CARMIL1: variants seen among roughly 807,000 people sequenced by gnomAD.
CARMIL1 encodes capping protein regulator and myosin 1 linker 1.
In CARMIL1, 90 loss-of-function variants were observed where a neutral mutation model predicts 177.1. The ratio of observed to expected loss-of-function variants is 0.51; its 90% confidence interval spans 0.43 to 0.61. The LOEUF is 0.61. Ranked by LOEUF, CARMIL1 falls within the 20% of genes least tolerant of loss-of-function variation. The pLI is 0.00. For missense variants in CARMIL1, 1,380 were observed against 1,667.0 expected (o/e 0.83, Z 3.00); for synonymous variants, 577 against 606.2 (o/e 0.95, Z 0.71).
At position 25,554,933 on chromosome 6, in the gene CARMIL1, C is replaced by G. The variant is rs1810468757; in HGVS notation, c.2592+837C>G. Among the ~76,000 whole-genome samples, 1 of 152,156 alleles carries G rather than the reference C, an allele frequency of 6.6e-6. No homozygotes were observed. Among genetic ancestry groups the G allele is most frequent in the African/African-American group, 2.4e-5 (1 of 41,444 alleles). On this transcript the variant is annotated intron_variant, in intron 28 of 36. Transcript: ENST00000329474. The surrounding 1 kb of genome is among the most constrained non-coding windows in gnomAD (Gnocchi z 4.6). ...AATAGCTTCTTCTGCGTGAAACAGACAAAATGCATGTTTTTGAAAAATTCA... is the reference window on the plus strand; with the variant it reads ...AATAGCTTCTTCTGCGTGAAACAGAGAAAATGCATGTTTTTGAAAAATTCA...
chr6:25,400,707 C>T (rs979508411), intron 2 of CARMIL1, among the ~76,000 whole-genome samples: 1 of 152,132 alleles, frequency 6.6e-6, no homozygotes. Context: ...AGAATGATTA[C>T]CCAAGTGATG....
intron 2 of CARMIL1, among the ~76,000 whole-genome samples, chr6:25,335,482 G>A (rs1236135465): frequency 6.6e-6 from 1 of 152,154 alleles, no homozygotes; most frequent in Non-Finnish European, 1.5e-5. Context: ...TATTTTCTGT[G>A]TATAGTTGTA....
intron 15 of CARMIL1, among the ~76,000 whole-genome samples, chr6:25,492,778 C>A (rs1803365140): frequency 6.6e-6 from 1 of 151,724 alleles, no homozygotes; most frequent in African/African-American, 2.4e-5. Context: ...AAAGGATAAC[C>A]CTCACTTATT....
intron 2 of CARMIL1, among the ~76,000 whole-genome samples, chr6:25,293,316 T>C (rs1782134664): frequency 8.2e-6 from 1 of 121,342 alleles, no homozygotes; most frequent in Non-Finnish European, 1.9e-5. Context: ...TTTGTAGCAG[T>C]AGTAGTAGTG....
intron 2 of CARMIL1, among the ~76,000 whole-genome samples, chr6:25,287,720 T>C (rs563797175): frequency 6.6e-6 from 1 of 152,370 alleles, no homozygotes; most frequent in Non-Finnish European, 1.5e-5. Context: ...TCACATCATT[T>C]GGCTAGTTAA....
At chr6:25,451,564 G>C (rs558046361) in intron 8 of CARMIL1, among the ~76,000 whole-genome samples, 18 of 152,222 alleles carry the variant, frequency 1.2e-4, no homozygotes, top group Non-Finnish European at 2.2e-4. Context: ...TATATTTAGG[G>C]CTATGGCTTG....
chr6:25,293,265 G>GGT (rs57127326), intron 2 of CARMIL1, among the ~76,000 whole-genome samples: 27,445 of 134,126 alleles, frequency 0.2, 2,925 homozygotes, highest in Non-Finnish European at 0.26. Context: ...AAGGATGCTT[G>GGT]GTGTGTGTGT....
chr6:25,433,840 A>C (rs1797013117), intron 4 of CARMIL1, among the ~76,000 whole-genome samples: 1 of 152,204 alleles, frequency 6.6e-6, no homozygotes, highest in Non-Finnish European at 1.5e-5. Context: ...TCATTTTGAC[A>C]TACCTTGCGT....
At chr6:25,435,351 T>G in intron 4 of CARMIL1, 132 bp from the exon 5 acceptor site, 1 of 1,049,072 alleles carries the variant, frequency 9.5e-7, no homozygotes, top group Non-Finnish European at 1.3e-6. Context: ...CCCTCGAACC[T>G]TGTTAAAGAA....
chr6:25,504,470 T>TA (rs1165706662), intron 17 of CARMIL1, among the ~76,000 whole-genome samples: 5 of 151,344 alleles, frequency 3.3e-5, no homozygotes, highest in South Asian at 4.2e-4. Flanking sequence ...TTCATGCTAT[T>TA]AAAAAAAAAG....
At chr6:25,563,777 G>T (rs1008394199) in intron 29 of CARMIL1, 1 of 985,256 alleles carries the variant, frequency 1.0e-6, no homozygotes, top group Non-Finnish European at 1.2e-6. Flanking sequence ...AGGTAGTTTT[G>T]GTGGATCACA....
intron 8 of CARMIL1, among the ~76,000 whole-genome samples, chr6:25,454,855 AGG>A (rs1423031642): frequency 6.6e-6 from 1 of 152,196 alleles, no homozygotes; most frequent in African/African-American, 2.4e-5. Context: ...GTACAGTTGT[AGG>A]ATTCATTGTG....
At chr6:25,457,324 A>G (rs1036691646) in intron 8 of CARMIL1, among the ~76,000 whole-genome samples, 5 of 152,190 alleles carry the variant, frequency 3.3e-5, no homozygotes, top group Non-Finnish European at 7.3e-5. Context: ...AGGGGAGGAT[A>G]TGCAAAATTC....
intron 31 of CARMIL1, among the ~76,000 whole-genome samples, chr6:25,587,003 AGAGG>A (rs1813810573): frequency 8.4e-6 from 1 of 118,818 alleles, no homozygotes; most frequent in South Asian, 3.4e-4. Flanking sequence ...CCGTGGAGAC[AGAGG>A]GAGAGGGAGA....
chr6:25,367,187 T>A (rs557343861), intron 2 of CARMIL1, among the ~76,000 whole-genome samples: 1 of 152,270 alleles, frequency 6.6e-6, no homozygotes, highest in African/African-American at 2.4e-5. Context: ...TGCATAACAT[T>A]TACTTTTTTG....
At chr6:25,568,360 T>C (rs554246445) in intron 29 of CARMIL1, among the ~76,000 whole-genome samples, 13 of 152,014 alleles carry the variant, frequency 8.6e-5, no homozygotes, top group African/African-American at 3.1e-4. Flanking sequence ...CCTGAAGGAG[T>C]TGTAATACAG....
intron 31 of CARMIL1, among the ~76,000 whole-genome samples, chr6:25,586,297 C>T (rs1813671870): frequency 6.8e-6 from 1 of 148,020 alleles, no homozygotes; most frequent in Non-Finnish European, 1.5e-5. Context: ...TGGGCAGAGA[C>T]ACTCCTCAGT....
chr6:25,442,875 A>G (rs1253799831), intron 5 of CARMIL1, among the ~76,000 whole-genome samples: 3 of 152,134 alleles, frequency 2.0e-5, no homozygotes, highest in Non-Finnish European at 2.9e-5. Context: ...CTGAGTGTGA[A>G]TGTCCACTTT....
chr6:25,360,469 T>A (rs1789079820), intron 2 of CARMIL1, among the ~76,000 whole-genome samples: 1 of 152,236 alleles, frequency 6.6e-6, no homozygotes, highest in Admixed American at 6.5e-5. Flanking sequence ...CTGTGGGGAC[T>A]TTGATTTCTG....
Sources: allele counts gnomAD v4.1 joint callset (sites outside exome capture counted in the v4.1 genomes callset), GRCh38; gene constraint gnomAD v4.1.1; non-coding constraint Gnocchi (gnomAD v3.1); transcripts MANE v1.5; gene names NCBI Gene and HGNC (gene_info 2026-07-23, HGNC 2026-07-21).